The following SH3GL2 variants were observed in gnomAD, a reference collection of about 807,000 sequenced individuals.
SH3GL2 encodes the protein endophilin-A1.
A neutral mutation model predicts 46.0 loss-of-function variants in SH3GL2; 24 were observed. The ratio of observed to expected loss-of-function variants is 0.52; its 90% CI spans 0.38 to 0.73. SH3GL2 has a LOEUF of 0.73. Among genes scored for constraint, SH3GL2 ranks in the 30% least tolerant of loss-of-function variants. The probability of loss-of-function intolerance (pLI) is 0.00; values close to 1 mark genes in which losing one functional copy is unlikely to be tolerated. For synonymous variants in SH3GL2, 196 were observed against 147.1 expected, an observed-to-expected ratio of 1.33 and a Z score of -2.40; for missense variants, 413 against 424.2, an observed-to-expected ratio of 0.97 and a Z score of 0.23.
At chr9:17,637,600 A>G (rs1028266404) in intron 1 of SH3GL2, among the ~76,000 whole-genome samples, 4 of 152,220 alleles carry the variant, frequency 2.6e-5, no homozygotes, top group African/African-American at 4.8e-5. Context: ...TTGGACACAC[A>G]AGTGTGGTTT....
At position 17,723,286 on chromosome 9, in the gene SH3GL2, A is replaced by T. The variant is rs577312328; in HGVS notation, c.46-23780A>T. ...TTCACTATTTTTACCAAACTTCAAT[A>T]TATTATATTTTCAGTTAAAAAATTA... On this transcript the variant is annotated intron_variant, in intron 1 of 8. Transcript: ENST00000380607. Among the ~76,000 whole-genome samples the T allele has an allele frequency of 4.8e-3, 736 of 152,198 alleles. 11 individuals carry two copies. The highest frequency in any genetic ancestry group is 0.017 in the African/African-American group (696 of 41,542).
chr9:17,665,013 A>G (rs886320020), intron 1 of SH3GL2, among the ~76,000 whole-genome samples: 1 of 152,160 alleles, frequency 6.6e-6, no homozygotes, highest in African/African-American at 2.4e-5. Flanking sequence ...TTCCACAGGT[A>G]GTGTGAGATA....
At chr9:17,739,253 C>A (rs1228721829) in intron 1 of SH3GL2, among the ~76,000 whole-genome samples, 4 of 152,032 alleles carry the variant, frequency 2.6e-5, no homozygotes, top group Non-Finnish European at 5.9e-5. Flanking sequence ...AGGTTCTAGA[C>A]CACTTATTAA....
At chr9:17,694,240 G>GA (rs1821151358) in intron 1 of SH3GL2, among the ~76,000 whole-genome samples, 1 of 152,010 alleles carries the variant, frequency 6.6e-6, no homozygotes, top group African/African-American at 2.4e-5. Context: ...TGTCTTGGGG[G>GA]GCCTTAGGAA....
At chr9:17,752,534 A>G (rs982984018) in intron 2 of SH3GL2, among the ~76,000 whole-genome samples, 4 of 151,664 alleles carry the variant, frequency 2.6e-5, no homozygotes, top group East Asian at 2.0e-4. Context: ...GTCTCACTCT[A>G]TTGTCCAGGC....
intron 1 of SH3GL2, among the ~76,000 whole-genome samples, chr9:17,688,019 A>G (rs924674471): frequency 6.6e-6 from 1 of 152,148 alleles, no homozygotes; most frequent in Non-Finnish European, 1.5e-5. Flanking sequence ...TCAGTATCAT[A>G]GTAGCTCTTT....
intron 1 of SH3GL2, among the ~76,000 whole-genome samples, chr9:17,665,419 T>C (rs542095266): frequency 6.6e-6 from 1 of 152,286 alleles, no homozygotes; most frequent in South Asian, 2.1e-4. Context: ...GACCTTGATG[T>C]TTTTGATGAG....
At chr9:17,619,507 G>A (rs1039223803) in intron 1 of SH3GL2, among the ~76,000 whole-genome samples, 1 of 151,900 alleles carries the variant, frequency 6.6e-6, no homozygotes, top group Non-Finnish European at 1.5e-5. Flanking sequence ...ATGACACCCC[G>A]TCTCTACTAA....
At chr9:17,611,063 T>C (rs999697471) in intron 1 of SH3GL2, among the ~76,000 whole-genome samples, 2 of 152,200 alleles carry the variant, frequency 1.3e-5, no homozygotes, top group Non-Finnish European at 2.9e-5. Flanking sequence ...AGTTATTCAT[T>C]GTGACAGATT....
chr9:17,618,790 A>C lies in SH3GL2; in HGVS notation c.45+39503A>C, dbSNP rs1009818927. ...ACTAAATTTTTGCCAAATTTGGCTT[A>C]TTTTGTGTGTGTGTGTGTGTGTGTG... On this transcript the variant is annotated intron_variant, in intron 1 of 8. Coordinates refer to ENST00000380607, the MANE Select transcript of SH3GL2 (RefSeq NM_003026.5). Among the ~76,000 whole-genome samples the C allele has an allele frequency of 1.8e-4, 17 of 95,168 alleles. No homozygotes were observed. The East Asian group carries it at 8.1e-3, about 46-fold the overall frequency. The allele number at this position is 95,168 out of a possible 152,430, so 62.4% of individuals were successfully genotyped here. A position where few individuals can be genotyped will look rare whatever the true frequency, so the allele number is the denominator to read the frequency against.
At chr9:17,795,409 C>G (rs1824246635) in intron 8 of SH3GL2, 135 bp from the exon 9 acceptor site, 1 of 658,370 alleles carries the variant, frequency 1.5e-6, no homozygotes, top group Non-Finnish European at 2.7e-6. Context: ...CAAGAAGAAG[C>G]TTCAACAGGA....
rs565282924 is a variant in SH3GL2 at position 17,778,557 on chromosome 9, C to T, written c.188-7824C>T. Among the ~76,000 whole-genome samples the T allele has an allele frequency of 7.9e-5, 12 of 152,002 alleles. 1 individual carries two copies. Among genetic ancestry groups the T allele is most frequent in the South Asian group, 4.1e-4 (2 of 4,820 alleles). On this transcript the variant is annotated intron_variant, in intron 3 of 8. Transcript: ENST00000380607. ...GGACTTTGATTCCTACCCTGAATGA[C>T]GTGGGAACACATTAAAGTGCTTTGG...
chr9:17,782,957 G>T (rs1823853297), intron 3 of SH3GL2, among the ~76,000 whole-genome samples: 1 of 152,012 alleles, frequency 6.6e-6, no homozygotes, highest in African/African-American at 2.4e-5. Flanking sequence ...TCTGATTTTT[G>T]TCCATGGAAA....
At chr9:17,622,986 G>GTTTCCTTTCGTTTCGTTTCCTTTCC (rs1819181866) in intron 1 of SH3GL2, among the ~76,000 whole-genome samples, 1 of 99,352 alleles carries the variant, frequency 1.0e-5, no homozygotes, top group South Asian at 3.2e-4. Flanking sequence ...GTTTCCTTTC[G>GTTTCCTTTCGTTTCGTTTCCTTTCC]TTTCCTTTCC....
chr9:17,604,813 A>G (rs1215801466), intron 1 of SH3GL2, among the ~76,000 whole-genome samples: 2 of 152,108 alleles, frequency 1.3e-5, no homozygotes, highest in Admixed American at 6.5e-5. Flanking sequence ...ACCTTGGGTT[A>G]GGGTGGAGGT....
At chr9:17,745,026 A>T (rs1822640241) in intron 1 of SH3GL2, among the ~76,000 whole-genome samples, 1 of 152,182 alleles carries the variant, frequency 6.6e-6, no homozygotes, top group African/African-American at 2.4e-5. Context: ...AAAAACTCCT[A>T]GGGGTTTTTC....
chr9:17,634,749 T>A (rs1402729330), intron 1 of SH3GL2, among the ~76,000 whole-genome samples: 1 of 152,232 alleles, frequency 6.6e-6, no homozygotes, highest in African/African-American at 2.4e-5. Flanking sequence ...AAAATGACTT[T>A]GGCCATGTCA....
intron 1 of SH3GL2, among the ~76,000 whole-genome samples, chr9:17,706,007 AT>A (rs1388028239): frequency 5.9e-5 from 9 of 152,072 alleles, no homozygotes; most frequent in Non-Finnish European, 1.3e-4. Flanking sequence ...AATAAAAAAA[AT>A]TTTGGAGACA....
At chr9:17,721,853 A>T (rs1030252777) in intron 1 of SH3GL2, among the ~76,000 whole-genome samples, 1 of 151,988 alleles carries the variant, frequency 6.6e-6, no homozygotes. Context: ...TATATCTCCT[A>T]TTGGTTCTGT....
Sources: gnomAD v4.1 joint callset for allele counts (sites outside exome capture counted in the v4.1 genomes callset) on GRCh38, gnomAD v4.1.1 for gene constraint, MANE v1.5 for transcripts, NCBI Gene and HGNC (gene_info 2026-07-23, HGNC 2026-07-21) for gene names.